TIA1: variants seen among roughly 807,000 people sequenced by gnomAD.
TIA1 encodes the protein TIA1 cytotoxic granule associated RNA binding protein.
TIA1 carries 23 observed loss-of-function variants against 65.9 expected under a neutral mutation model. The observed-to-expected ratio is 0.35, with a 90% CI of 0.25 to 0.49. TIA1 has a LOEUF of 0.49. TIA1 is among the 20% of genes least tolerant of loss of function. TIA1 has a pLI of 0.98. For missense variants in TIA1, 371 were observed against 477.9 expected, an observed-to-expected ratio of 0.78 and a Z score of 2.09; for synonymous variants, 147 against 149.4, an observed-to-expected ratio of 0.98 and a Z score of 0.12.
At chr2:70,220,286 G>A (rs1401526308) in intron 7 of TIA1, among the ~76,000 whole-genome samples, 4 of 152,124 alleles carry the variant, frequency 2.6e-5, no homozygotes, top group Non-Finnish European at 4.4e-5. Context: ...TGCAACACCT[G>A]TAGTCCCAGC....
intron 1 of TIA1, among the ~76,000 whole-genome samples, chr2:70,242,476 G>A (rs962081068): frequency 1.9e-5 from 2 of 107,706 alleles, no homozygotes; most frequent in South Asian, 3.2e-4. Context: ...TCCAGCCTGA[G>A]TGACAGAGAC....
chr2:70,228,854 G>T, intron 5 of TIA1: 1 of 1,431,550 alleles, frequency 7.0e-7, no homozygotes, highest in Non-Finnish European at 9.1e-7. Flanking sequence ...CTACCAAACG[G>T]GTCAGAAAGC....
chr2:70,223,139 T>C (rs1682256597), intron 7 of TIA1, among the ~76,000 whole-genome samples: 2 of 152,152 alleles, frequency 1.3e-5, no homozygotes, highest in Admixed American at 6.5e-5. Flanking sequence ...TCCTAGCCCA[T>C]CAAACCGCCA....
At chr2:70,229,772 CTACAAAAA>C (rs935926016) in intron 3 of TIA1, among the ~76,000 whole-genome samples, 1 of 151,978 alleles carries the variant, frequency 6.6e-6, no homozygotes, top group South Asian at 2.1e-4. Flanking sequence ...AACCCTGTCT[CTACAAAAA>C]TACAAAAATT....
chr2:70,246,532 T>C (rs1056072747), intron 1 of TIA1, among the ~76,000 whole-genome samples: 7 of 152,154 alleles, frequency 4.6e-5, no homozygotes, highest in Admixed American at 3.3e-4. Context: ...GAAGAGTTTC[T>C]TGGATGGGGT....
At position 70,248,433 on chromosome 2, in the gene TIA1, C is replaced by G; in HGVS notation, c.-3G>C. The G allele has an allele frequency of 1.9e-6, 3 of 1,600,820 alleles. No homozygotes were observed. The highest frequency in any genetic ancestry group is 2.5e-6 in the Non-Finnish European group (3 of 1,179,950). On this transcript the variant is annotated 5_prime_UTR_variant, in exon 1 of 13. Coordinates refer to ENST00000433529, the MANE Select transcript of TIA1 (RefSeq NM_022173.4). Reference sequence around the variant, plus strand: ...GTCTTGGGCATCTCGTCCTCCATGGCTGCTGCTGTCGCGGCGGCGCCTCCA... The same window carrying G: ...GTCTTGGGCATCTCGTCCTCCATGGGTGCTGCTGTCGCGGCGGCGCCTCCA...
chr2:70,216,344 C>T (rs778384670), intron 9 of TIA1, 52 bp from the exon 10 acceptor site: 1 of 1,582,256 alleles, frequency 6.3e-7, no homozygotes, highest in African/African-American at 1.4e-5. Context: ...ATATAAAAAT[C>T]CTACAAATAT....
At chr2:70,237,560 T>C (rs1324997147) in intron 1 of TIA1, among the ~76,000 whole-genome samples, 1 of 151,768 alleles carries the variant, frequency 6.6e-6, no homozygotes, top group Non-Finnish European at 1.5e-5. Flanking sequence ...TCATTAGTTA[T>C]ATAAAATATC....
At chr2:70,230,886 A>G in intron 2 of TIA1, 32 bp from the exon 3 acceptor site, 1 of 1,551,692 alleles carries the variant, frequency 6.4e-7, no homozygotes, top group Non-Finnish European at 8.8e-7. Context: ...AGCCAATTTT[A>G]AGCTTTATTC....
rs923069417 is a variant in TIA1 at position 70,211,229 on chromosome 2, G to C, written c.*1490C>G. On this transcript the variant is annotated 3_prime_UTR_variant, in exon 13 of 13. Transcript: ENST00000433529. ...GAAACTTCCCACACAAGTCTTCTAA[G>C]AGACTCTGAAATATACTAGAAATTT... 1.3e-5 allele frequency: 2 copies of C among 152,172 alleles called. No individual in the cohort carries two copies. The highest frequency in any genetic ancestry group is 1.3e-4 in the Admixed American group (2 of 15,264). 9.4% of individuals were successfully genotyped at this position (152,172 alleles called of 1,614,324 possible). A position where few individuals can be genotyped will look rare whatever the true frequency, so the allele number is the denominator to read the frequency against.
intron 8 of TIA1, 175 bp from the exon 9 acceptor site, chr2:70,216,674 AC>A: frequency 1.4e-6 from 2 of 1,421,324 alleles, no homozygotes; most frequent in Non-Finnish European, 9.4e-7. Context: ...CTAAAAAATT[AC>A]CCAGTATTTT....
At chr2:70,220,072 T>A (rs184138935) in intron 7 of TIA1, among the ~76,000 whole-genome samples, 1 of 152,120 alleles carries the variant, frequency 6.6e-6, no homozygotes, top group Non-Finnish European at 1.5e-5. Context: ...GAGGTTATAC[T>A]GGATTAAGGT....
rs112245553 is a variant in TIA1, at chr2:70,223,253, T to C, written c.474+1301A>G. ...ATCAATCCATTATAGAAGGTATTTT[T>C]CTACCTTTCTAAAACATTATGCTAT... On this transcript the variant is annotated intron_variant, in intron 7 of 12. Transcript: ENST00000433529. Among the ~76,000 whole-genome samples the C allele has an allele frequency of 6.9e-3, 1,049 of 152,320 alleles. 13 individuals are homozygous for C. The highest frequency in any genetic ancestry group is 0.024 in the African/African-American group (1,012 of 41,578).
At chr2:70,227,955 A>G (rs1238077933) in intron 5 of TIA1, 133 bp from the exon 6 acceptor site, 6 of 575,344 alleles carry the variant, frequency 1.0e-5, no homozygotes, top group South Asian at 5.8e-5. Flanking sequence ...ACACTATCCT[A>G]TATCTATACA....
chr2:70,237,663 A>T (rs1689592444), intron 1 of TIA1, among the ~76,000 whole-genome samples: 1 of 150,632 alleles, frequency 6.6e-6, no homozygotes, highest in Non-Finnish European at 1.5e-5. Context: ...CAGGAGTTTG[A>T]TACCAGCCTG....
Position 70,212,282 on chromosome 2 carries a change from A to G in TIA1, c.*437T>C, listed in dbSNP as rs1573113662. ...AAACAGAATTGTGCACAAGCTGAAG[A>G]TGACAAACAACTTCTAGACTCTGCA... On this transcript the variant is annotated 3_prime_UTR_variant, in exon 13 of 13. Transcript: ENST00000433529. 1 of 155,588 alleles carries G rather than the reference A, an allele frequency of 6.4e-6. No homozygotes were observed. The highest frequency in any genetic ancestry group is 2.4e-5 in the African/African-American group (1 of 41,592). 9.6% of individuals were successfully genotyped at this position (155,588 alleles called of 1,614,324 possible).
intron 11 of TIA1, 146 bp from the exon 12 acceptor site, chr2:70,214,640 A>C: frequency 1.8e-6 from 1 of 564,712 alleles, no homozygotes; most frequent in Non-Finnish European, 2.8e-6. Flanking sequence ...GCTAAAAAAA[A>C]AAAAAAAAAA....
At chr2:70,218,959 A>G (rs1295647749) in intron 7 of TIA1, among the ~76,000 whole-genome samples, 1 of 152,240 alleles carries the variant, frequency 6.6e-6, no homozygotes, top group Non-Finnish European at 1.5e-5. Flanking sequence ...AGGTTCCTCT[A>G]GAGAAATTGG....
intron 1 of TIA1, among the ~76,000 whole-genome samples, chr2:70,236,783 T>C (rs1453613999): frequency 1.3e-5 from 2 of 152,086 alleles, no homozygotes; most frequent in Non-Finnish European, 1.5e-5. Context: ...TGTGCCATCA[T>C]ATCTGGCTAA....
Sources: allele counts gnomAD v4.1 joint callset (sites outside exome capture counted in the v4.1 genomes callset), GRCh38; gene constraint gnomAD v4.1.1; transcripts MANE v1.5; gene names NCBI Gene and HGNC (gene_info 2026-07-23, HGNC 2026-07-21).